Variants in SLC1A7 observed in about 807,000 individuals in gnomAD.
The protein encoded by SLC1A7 is solute carrier family 1 member 7, also known as excitatory amino acid transporter 5.
SLC1A7 carries 40 observed loss-of-function variants against 47.7 expected under a neutral mutation model. The observed-to-expected ratio is 0.84, with a 90% confidence interval of 0.65 to 1.09. The LOEUF (loss-of-function observed/expected upper bound fraction) is 1.09. Ranked by LOEUF, SLC1A7 falls within the 50% of genes least tolerant of loss-of-function variation. The probability of loss-of-function intolerance (pLI) is 0.00; values close to 1 mark genes in which losing one functional copy is unlikely to be tolerated. For missense variants in SLC1A7, 746 were observed against 769.5 expected (o/e 0.97, Z 0.36); for synonymous variants, 323 against 325.6 (o/e 0.99, Z 0.09).
chr1:53,094,602 C>T (rs990372866), intron 5 of SLC1A7, among the ~76,000 whole-genome samples: 9 of 152,178 alleles, frequency 5.9e-5, no homozygotes, highest in African/African-American at 1.9e-4. Flanking sequence ...CCCGTGGTGA[C>T]GGAGTGAGGT....
intron 2 of SLC1A7, 101 bp from the exon 3 acceptor site, chr1:53,115,074 A>G (rs777681680): frequency 1.5e-4 from 129 of 856,042 alleles, no homozygotes; most frequent in Admixed American, 3.1e-4. Flanking sequence ...GCTGCCTCAC[A>G]GTGCTCCAGG....
intron 2 of SLC1A7, among the ~76,000 whole-genome samples, chr1:53,126,418 G>T (rs1644882610): frequency 1.3e-5 from 2 of 152,230 alleles, no homozygotes; most frequent in African/African-American, 4.8e-5. Context: ...CTATAAGGCG[G>T]GGGTGGTGGG....
intron 2 of SLC1A7, among the ~76,000 whole-genome samples, chr1:53,129,442 G>A (rs1453665707): frequency 1.3e-5 from 2 of 151,552 alleles, no homozygotes; most frequent in South Asian, 2.1e-4. Flanking sequence ...CATGCTTCCT[G>A]CTCCCCCGCC....
chr1:53,114,621 C>G, intron 3 of SLC1A7, 137 bp downstream of exon 3: 2 of 728,684 alleles, frequency 2.7e-6, no homozygotes. Context: ...AGCGGGCAGC[C>G]CAGAGCTCAA....
intron 3 of SLC1A7, among the ~76,000 whole-genome samples, chr1:53,106,261 C>T (rs572258838): frequency 1.8e-4 from 27 of 151,896 alleles, no homozygotes; most frequent in South Asian, 2.1e-4. Context: ...CACGGGACCT[C>T]GCACATAGGT....
At chr1:53,096,296 A>ACACC in intron 5 of SLC1A7, among the ~76,000 whole-genome samples, 1 of 137,876 alleles carries the variant, frequency 7.3e-6, no homozygotes, top group African/African-American at 2.8e-5. Flanking sequence ...GTACACTCAC[A>ACACC]CTGTCTCGGT....
intron 2 of SLC1A7, among the ~76,000 whole-genome samples, chr1:53,130,990 C>T (rs117988682): frequency 2.2e-4 from 34 of 152,288 alleles, no homozygotes; most frequent in Non-Finnish European, 3.8e-4. Flanking sequence ...ATATCTCCCC[C>T]CTGAAGGTTT....
At chr1:53,088,832 C>A (rs772797536) in intron 10 of SLC1A7, 45 bp downstream of exon 10, 1 of 1,507,222 alleles carries the variant, frequency 6.6e-7, no homozygotes. Context: ...GCCCACCCTG[C>A]GTGGCTCCAC....
Position 53,092,599 on chromosome 1 carries a change from C to T in SLC1A7, c.986G>A (p.Arg329His), listed in dbSNP as rs766773537. ...ITKKNPIVFI[R>H]GILQALLIAL... ...GATGAGCAGAGCCTGCAGGATGCCA[C>T]GGATGAAGACGATGGGATTCTTCTT... Residue 329 changes from arginine (R) to histidine (H), a missense_variant, in exon 7 of 11, where the codon CGT (arginine) becomes CAT (histidine). Transcript: ENST00000371494. 1.1e-5 allele frequency: 18 copies of T among 1,613,998 alleles called. No homozygotes were observed. The Admixed American group carries it at 1.2e-4, about 10-fold the overall frequency.
chr1:53,101,059 CGGTACACTCACACACACCACCTT>C (rs896629195), intron 5 of SLC1A7, among the ~76,000 whole-genome samples: 6 of 151,242 alleles, frequency 4.0e-5, no homozygotes, highest in African/African-American at 7.3e-5. Flanking sequence ...AAACCCGCCT[CGGTACACTCACACACACCACCTT>C]GGTACACTCA....
At chr1:53,136,340 C>T (rs111324816) in intron 1 of SLC1A7, among the ~76,000 whole-genome samples, 11,786 of 147,422 alleles carry the variant, frequency 0.08, 576 homozygotes, top group African/African-American at 0.14. Context: ...ACTACAGGTG[C>T]GCGCCACTAT....
intron 5 of SLC1A7, among the ~76,000 whole-genome samples, chr1:53,100,471 TTGG>T (rs1334494286): frequency 2.7e-5 from 4 of 149,608 alleles, no homozygotes; most frequent in African/African-American, 9.9e-5. Context: ...ACACACTGCC[TTGG>T]TGCACTCACA....
chr1:53,114,971 A>T lies in SLC1A7; in HGVS notation c.218T>A (p.Leu73Ter). ...MMILPLVVSS[L>*]MSGLASLDAK... ...ATCCAGGGAGGCAAGTCCGGACATCAAGCTGGGAGGGCGAGGGGGTCAGGG... is the reference window on the plus strand; with the variant it reads ...ATCCAGGGAGGCAAGTCCGGACATCTAGCTGGGAGGGCGAGGGGGTCAGGG... The change falls in exon 3 of 11, where the codon TTG (leucine) becomes TAG (stop). Residue 73 changes from leucine to a stop codon, truncating the protein, a stop_gained and splice_region_variant. Transcript: ENST00000371494. LOFTEE classifies it high-confidence loss of function. 1 of 1,613,532 alleles carries T rather than the reference A, an allele frequency of 6.2e-7. No homozygotes were observed. Among genetic ancestry groups the T allele is most frequent in the South Asian group, 1.1e-5 (1 of 91,020 alleles).
intron 7 of SLC1A7, 54 bp from the exon 8 acceptor site, chr1:53,090,860 G>A (rs2306461): frequency 0.042 from 66,330 of 1,560,852 alleles, 4,775 homozygotes; most frequent in East Asian, 0.25. Context: ...GATGGCTGGG[G>A]CCTCTGTCGG....
Position 53,100,125 on chromosome 1 carries a change from C to A in SLC1A7, c.697+3221G>T, listed in dbSNP as rs534014395. On this transcript the variant is annotated intron_variant, in intron 5 of 10. Coordinates refer to ENST00000371494, the MANE Select transcript of SLC1A7 (RefSeq NM_006671.6). ...ACACCACCTCGACACACTCATACAC[C>A]CCGCCTCAGAACACTCACACATCCA... Among the ~76,000 whole-genome samples, 5 of 151,370 alleles carry A rather than the reference C, an allele frequency of 3.3e-5. No individual in the cohort carries two copies. In the South Asian group the frequency reaches 1.0e-3, roughly 32 times the overall value.
intron 1 of SLC1A7, among the ~76,000 whole-genome samples, chr1:53,138,860 T>C (rs1645027454): frequency 6.6e-6 from 1 of 152,188 alleles, no homozygotes; most frequent in Non-Finnish European, 1.5e-5. Flanking sequence ...CCCCAGATTC[T>C]TTCTTGTTCT....
intron 3 of SLC1A7, among the ~76,000 whole-genome samples, chr1:53,110,001 T>G (rs1644685352): frequency 6.6e-6 from 1 of 152,262 alleles, no homozygotes; most frequent in Non-Finnish European, 1.5e-5. Context: ...TAATCCATCC[T>G]TCCCAAACCC....
intron 3 of SLC1A7, chr1:53,114,483 A>G: frequency 2.1e-6 from 1 of 476,456 alleles, no homozygotes; most frequent in South Asian, 3.5e-5. Context: ...CTCCCACCCT[A>G]CAGGCTGGGC....
chr1:53,122,827 C>T (rs529984452), intron 2 of SLC1A7, among the ~76,000 whole-genome samples: 16 of 152,248 alleles, frequency 1.1e-4, no homozygotes, highest in Middle Eastern at 3.4e-3. Context: ...AATCCGCCTC[C>T]GGGGAAGAGC....
Sources: allele counts gnomAD v4.1 joint callset (sites outside exome capture counted in the v4.1 genomes callset), GRCh38; gene constraint gnomAD v4.1.1; transcripts MANE v1.5; gene names NCBI Gene and HGNC (gene_info 2026-07-23, HGNC 2026-07-21).